The following RIPOR3 variants were observed in gnomAD, a reference collection of about 807,000 sequenced individuals.
RIPOR3 encodes the protein RIPOR family member 3.
A neutral mutation model predicts 114.3 loss-of-function variants in RIPOR3; 95 were observed. That is an observed-to-expected ratio of 0.83 (90% CI 0.70 to 0.99). The LOEUF is 0.99. Ranked by LOEUF, RIPOR3 falls within the 50% of genes least tolerant of loss-of-function variation. The pLI is 0.00. For missense variants in RIPOR3, 1,252 were observed against 1,266.9 expected, an observed-to-expected ratio of 0.99 and a Z score of 0.18; for synonymous variants, 575 against 543.8, an observed-to-expected ratio of 1.06 and a Z score of -0.80.
chr20:50,670,226 G>A (rs957285053), intron 1 of RIPOR3, among the ~76,000 whole-genome samples: 7 of 151,938 alleles, frequency 4.6e-5, no homozygotes, highest in Admixed American at 6.6e-5. Flanking sequence ...AACCAGGCAG[G>A]CGGAGGCCCA....
In RIPOR3 at chr20:50,602,198, G is replaced by A. The variant is rs756219778; in HGVS notation, c.1533C>T (p.Asp511=). 1.7e-5 allele frequency: 27 copies of A among 1,613,432 alleles called. No individual in the cohort carries two copies. Among genetic ancestry groups the A allele is most frequent in the South Asian group, 7.7e-5 (7 of 91,064 alleles). Residue 511 remains aspartate, a synonymous_variant, in exon 13 of 22, where the codon GAC becomes GAT. Transcript: ENST00000327979. The surrounding 1 kb of genome is among the most constrained non-coding windows in gnomAD (Gnocchi z 4.3). ...GCCCCTCGAGGGCCACGCCAGGCCCGTCCTCTCTGTCCCCGGTTGCCCCTT... is the reference window on the plus strand; with the variant it reads ...GCCCCTCGAGGGCCACGCCAGGCCCATCCTCTCTGTCCCCGGTTGCCCCTT... The part of the protein sequence containing the change: ...HEEGATGDRE[D]GPGVALEGPL...
Position 50,596,136 on chromosome 20 carries a change from C to G in RIPOR3, c.1914+4G>C. 6.2e-7 allele frequency: 1 copy of G among 1,614,142 alleles called. No individual in the cohort carries two copies. The highest frequency in any genetic ancestry group is 1.1e-5 in the South Asian group (1 of 91,086). On this transcript the variant is annotated splice_donor_region_variant and intron_variant, in intron 15 of 21. Transcript: ENST00000327979. ...CTCCCTGACAAGTCCCCTAGCCCAGCCACCTGCAGCAGAGCTTTGCAGACT... is the reference window on the plus strand; with the variant it reads ...CTCCCTGACAAGTCCCCTAGCCCAGGCACCTGCAGCAGAGCTTTGCAGACT...
At chr20:50,660,896 A>G (rs1195016273) in intron 1 of RIPOR3, among the ~76,000 whole-genome samples, 1 of 151,602 alleles carries the variant, frequency 6.6e-6, no homozygotes, top group Non-Finnish European at 1.5e-5. Flanking sequence ...ATGCCCTCAA[A>G]GTAGCTGGAA....
intron 1 of RIPOR3, among the ~76,000 whole-genome samples, chr20:50,680,668 G>T (rs570092768): frequency 6.6e-6 from 1 of 152,328 alleles, no homozygotes; most frequent in East Asian, 1.9e-4. Context: ...AGCCTCTTAC[G>T]CAATACAATG....
At chr20:50,649,894 C>G (rs1053449241) in intron 1 of RIPOR3, among the ~76,000 whole-genome samples, 20 of 152,220 alleles carry the variant, frequency 1.3e-4, no homozygotes, top group African/African-American at 4.6e-4. Flanking sequence ...AAGATCTGGG[C>G]TCCAGCCCCA....
chr20:50,627,192 A>C (rs2123220465), intron 2 of RIPOR3, among the ~76,000 whole-genome samples: 1 of 151,328 alleles, frequency 6.6e-6, no homozygotes, highest in East Asian at 2.0e-4. Context: ...CACACACAAA[A>C]AAATTGTATT....
At chr20:50,619,913 C>A in intron 3 of RIPOR3, 73 bp downstream of exon 3, 1 of 1,545,278 alleles carries the variant, frequency 6.5e-7, no homozygotes, top group South Asian at 1.2e-5. Flanking sequence ...ATCCACGCTT[C>A]CCCAGGAAGA....
At chr20:50,630,884 C>T in intron 1 of RIPOR3, 28 bp from the exon 2 acceptor site, 1 of 1,553,390 alleles carries the variant, frequency 6.4e-7, no homozygotes, top group Non-Finnish European at 8.7e-7. Context: ...GAGAGTCAGC[C>T]TGGCATCACC....
At chr20:50,600,019 G>A (rs2083440759) in intron 13 of RIPOR3, among the ~76,000 whole-genome samples, 1 of 152,100 alleles carries the variant, frequency 6.6e-6, no homozygotes, top group African/African-American at 2.4e-5. Context: ...TCCTGCCTCA[G>A]CCTCCCAAGT....
At position 50,593,137 on chromosome 20, in the gene RIPOR3, G is replaced by T. The variant is rs374189330; in HGVS notation, c.2272C>A (p.Leu758Ile). 222 of 1,613,894 alleles carry T rather than the reference G, an allele frequency of 1.4e-4. No individual in the cohort carries two copies. In the Middle Eastern group the frequency reaches 2.5e-3, roughly 18 times the overall value. Residue 758 changes from leucine to isoleucine, a missense_variant, in exon 18 of 22, where the codon CTC becomes ATC. By Grantham distance (5) the Leu-to-Ile change is conservative. Coordinates refer to ENST00000327979, the MANE Select transcript of RIPOR3 (RefSeq NM_001290268.2). The part of the protein sequence containing the change: ...SCGGLLPGAG[L>I]PEEQIITWFQ... ...CAGGTAATGATCTGTTCTTCTGGGAGCCCAGCTCCGGGGAGCAGCCCACCA... is the reference window on the plus strand; with the variant it reads ...CAGGTAATGATCTGTTCTTCTGGGATCCCAGCTCCGGGGAGCAGCCCACCA...
chr20:50,614,843 G>A (rs1239451403), intron 4 of RIPOR3: 3 of 167,950 alleles, frequency 1.8e-5, no homozygotes, highest in Non-Finnish European at 2.9e-5. Context: ...CGAATCACTT[G>A]AGGTCAGGAG....
chr20:50,601,990 C>T, intron 13 of RIPOR3, 82 bp downstream of exon 13: 4 of 1,339,536 alleles, frequency 3.0e-6, no homozygotes, highest in Non-Finnish European at 3.9e-6. Context: ...TCGGCCCAGG[C>T]TGCGTGGCCC....
At chr20:50,595,940 G>A (rs1053799881) in intron 15 of RIPOR3, among the ~76,000 whole-genome samples, 200 bp downstream of exon 15, 1 of 152,166 alleles carries the variant, frequency 6.6e-6, no homozygotes, top group Non-Finnish European at 1.5e-5. Context: ...TTAGGGCTTG[G>A]CCTGTGTAAG....
chr20:50,678,191 G>A (rs2086737968), intron 1 of RIPOR3, among the ~76,000 whole-genome samples: 1 of 152,182 alleles, frequency 6.6e-6, no homozygotes, highest in Non-Finnish European at 1.5e-5. Flanking sequence ...ATCCCAGCGG[G>A]CTTCCTAGAG....
intron 1 of RIPOR3, among the ~76,000 whole-genome samples, chr20:50,673,971 C>T (rs949313968): frequency 6.6e-6 from 1 of 152,236 alleles, no homozygotes; most frequent in African/African-American, 2.4e-5. Context: ...AATATACACC[C>T]CTGGCAAGCT....
At chr20:50,607,429 G>A (rs534522202) in intron 11 of RIPOR3, among the ~76,000 whole-genome samples, 2 of 152,158 alleles carry the variant, frequency 1.3e-5, no homozygotes, top group Non-Finnish European at 1.5e-5. Context: ...CATTTGCCTC[G>A]AAGAAACTTG....
chr20:50,666,183 A>ATTTCTTT lies in RIPOR3; in HGVS notation c.3+24936_3+24942dup, dbSNP rs534286175. Among the ~76,000 whole-genome samples the ATTTCTTT allele has an allele frequency of 1.2e-3, 51 of 43,746 alleles. 15 individuals carry two copies. Among genetic ancestry groups the ATTTCTTT allele is most frequent in the Middle Eastern group, 0.014 (1 of 70 alleles). The allele number at this position is 43,746 out of a possible 152,430, so 28.7% of individuals were successfully genotyped here. A position where few individuals can be genotyped will look rare whatever the true frequency, so the allele number is the denominator to read the frequency against. On this transcript the variant is annotated intron_variant, in intron 1 of 21. Coordinates refer to ENST00000327979, the MANE Select transcript of RIPOR3 (RefSeq NM_001290268.2). ...CCTAGAATACAGAGAAAGGACACCC[A>ATTTCTTT]TTTCTTTTCTTTTCTTTTCTTTTCT...
chr20:50,654,842 C>T (rs2085750539), intron 1 of RIPOR3, among the ~76,000 whole-genome samples: 1 of 152,170 alleles, frequency 6.6e-6, no homozygotes, highest in Admixed American at 6.5e-5. Flanking sequence ...ACTTCCCAAA[C>T]TCAGGTGATT....
chr20:50,601,382 C>T (rs759627909), intron 13 of RIPOR3, among the ~76,000 whole-genome samples: 5 of 152,126 alleles, frequency 3.3e-5, no homozygotes, highest in Non-Finnish European at 7.4e-5. Context: ...TGCAGTGAGC[C>T]GAGATGGCGC....
Sources: allele counts gnomAD v4.1 joint callset (sites outside exome capture counted in the v4.1 genomes callset), GRCh38; gene constraint gnomAD v4.1.1; non-coding constraint Gnocchi (gnomAD v3.1); transcripts MANE v1.5; gene names NCBI Gene and HGNC (gene_info 2026-07-23, HGNC 2026-07-21).